Variants in PXDNL observed in about 807,000 individuals in gnomAD.
PXDNL encodes the protein probable oxidoreductase PXDNL.
A neutral mutation model predicts 150.8 loss-of-function variants in PXDNL; 145 were observed. The ratio of observed to expected loss-of-function variants is 0.96; its 90% CI spans 0.84 to 1.10. The LOEUF (loss-of-function observed/expected upper bound fraction) is 1.10, where lower values mean the gene tolerates loss of function less well. Among genes scored for constraint, PXDNL ranks in the 50% least tolerant of loss-of-function variants. The pLI, the probability that PXDNL is intolerant of heterozygous loss-of-function variation, is 0.00. For missense variants in PXDNL, 2,087 were observed against 1,873.9 expected (o/e 1.11, Z -2.10); for synonymous variants, 757 against 725.7 (o/e 1.04, Z -0.69).
chr8:51,533,585 A>G (rs1811961339), intron 4 of PXDNL, among the ~76,000 whole-genome samples: 1 of 140,144 alleles, frequency 7.1e-6, no homozygotes, highest in South Asian at 2.3e-4. Flanking sequence ...GCTCACTGCA[A>G]CCTCCCTGCC....
chr8:51,804,642 G>A (rs371745936), intron 1 of PXDNL, among the ~76,000 whole-genome samples: 5 of 151,944 alleles, frequency 3.3e-5, no homozygotes, highest in South Asian at 4.1e-4. Context: ...CTCAGGTTGC[G>A]GCTACTCCCC....
intron 1 of PXDNL, among the ~76,000 whole-genome samples, chr8:51,720,266 T>C (rs1816703106): frequency 6.6e-6 from 1 of 151,986 alleles, no homozygotes; most frequent in Non-Finnish European, 1.5e-5. Context: ...AAAAACAACT[T>C]ATGTGACATA....
At chr8:51,350,815 T>A (rs1164543317) in intron 19 of PXDNL, among the ~76,000 whole-genome samples, 2 of 152,188 alleles carry the variant, frequency 1.3e-5, no homozygotes, top group Non-Finnish European at 2.9e-5. Context: ...CTGCTTTTTG[T>A]TAGAGAAGAA....
At chr8:51,566,962 G>A (rs551457090) in intron 3 of PXDNL, among the ~76,000 whole-genome samples, 40 of 151,530 alleles carry the variant, frequency 2.6e-4, no homozygotes, top group African/African-American at 8.0e-4. Flanking sequence ...TGCATCCCGC[G>A]AAATCTGATG....
In PXDNL at chr8:51,423,622, C is replaced by T. The variant is rs16916235; in HGVS notation, c.1748G>A (p.Arg583Gln). 7.0e-3 allele frequency: 11,360 copies of T among 1,613,716 alleles called. 652 individuals carry two copies. In the African/African-American group the frequency reaches 0.13, roughly 19 times the overall value. The change falls in exon 14 of 23, where the codon CGG becomes CAG. Residue 583 changes from arginine to glutamine, a missense_variant. Physicochemically the swap from Arg to Gln is conservative, Grantham distance 43. Transcript: ENST00000356297. ...PDQGRYECVA[R>Q]NSFGLAVTNM... ...GGTCACAGCAAGGCCAAAAGAATTC[C>T]GAGCCACACATTCATATCTTCCCTG...
chr8:51,586,318 T>C (rs1358551299), intron 3 of PXDNL, among the ~76,000 whole-genome samples: 1 of 152,168 alleles, frequency 6.6e-6, no homozygotes. Context: ...TTGCCAGCTA[T>C]GTGAAAAAAG....
chr8:51,448,974 C>A, intron 11 of PXDNL, 28 bp downstream of exon 11: 1 of 1,215,434 alleles, frequency 8.2e-7, no homozygotes, highest in Non-Finnish European at 1.2e-6. Flanking sequence ...TTATTTTTCC[C>A]CACAATTACC....
At chr8:51,336,416 A>G (rs1038046260) in intron 21 of PXDNL, among the ~76,000 whole-genome samples, 1 of 152,184 alleles carries the variant, frequency 6.6e-6, no homozygotes, top group Non-Finnish European at 1.5e-5. Context: ...GTTACAACCT[A>G]CCTTTCAATG....
At chr8:51,328,887 G>T (rs1424252191) in intron 21 of PXDNL, among the ~76,000 whole-genome samples, 3 of 152,082 alleles carry the variant, frequency 2.0e-5, no homozygotes, top group Admixed American at 6.6e-5. Flanking sequence ...CCATAAAAAA[G>T]GCCTCTATAC....
intron 2 of PXDNL, among the ~76,000 whole-genome samples, chr8:51,616,908 AGTT>A (rs1210020960): frequency 6.6e-6 from 1 of 152,154 alleles, no homozygotes. Flanking sequence ...CTATGTAAAT[AGTT>A]GTTATTCTAT....
intron 1 of PXDNL, among the ~76,000 whole-genome samples, chr8:51,740,245 G>C (rs1263223868): frequency 1.3e-5 from 2 of 152,120 alleles, no homozygotes; most frequent in Non-Finnish European, 2.9e-5. Context: ...ATAGTGATTG[G>C]ATTGATTACA....
chr8:51,764,003 T>G (rs2037197459), intron 1 of PXDNL, among the ~76,000 whole-genome samples: 1 of 152,216 alleles, frequency 6.6e-6, no homozygotes, highest in Admixed American at 6.5e-5. Flanking sequence ...TATAGATATA[T>G]CCACTCAGAT....
intron 8 of PXDNL, among the ~76,000 whole-genome samples, chr8:51,467,584 T>C (rs1383461926): frequency 6.6e-6 from 1 of 152,106 alleles, no homozygotes; most frequent in Non-Finnish European, 1.5e-5. Flanking sequence ...TATACCTTTG[T>C]AACAAACCTG....
intron 19 of PXDNL, among the ~76,000 whole-genome samples, chr8:51,348,801 T>C (rs972078263): frequency 6.6e-6 from 1 of 152,152 alleles, no homozygotes; most frequent in Non-Finnish European, 1.5e-5. Context: ...AAGATTATAT[T>C]ATCTTGTACA....
intron 2 of PXDNL, among the ~76,000 whole-genome samples, chr8:51,649,624 T>G (rs1814993501): frequency 6.6e-6 from 1 of 152,206 alleles, no homozygotes; most frequent in Non-Finnish European, 1.5e-5. Flanking sequence ...AATTTTTAAT[T>G]TTATATTTCT....
At chr8:51,791,212 G>A (rs924996367) in intron 1 of PXDNL, among the ~76,000 whole-genome samples, 1 of 152,226 alleles carries the variant, frequency 6.6e-6, no homozygotes. Flanking sequence ...AGATCTGTGA[G>A]CCAGAAATAC....
chr8:51,503,268 A>G (rs1475980344), intron 4 of PXDNL, among the ~76,000 whole-genome samples: 1 of 152,240 alleles, frequency 6.6e-6, no homozygotes, highest in Non-Finnish European at 1.5e-5. Context: ...TGAATGAGAA[A>G]AATGCATGTA....
intron 8 of PXDNL, among the ~76,000 whole-genome samples, chr8:51,471,605 C>T (rs1181933380): frequency 6.6e-6 from 1 of 152,074 alleles, no homozygotes; most frequent in African/African-American, 2.4e-5. Context: ...GTTATTAATC[C>T]CAACATTTCC....
chr8:51,329,075 A>AAGGAGT (rs1805602797), intron 21 of PXDNL, among the ~76,000 whole-genome samples: 1 of 152,196 alleles, frequency 6.6e-6, no homozygotes, highest in Non-Finnish European at 1.5e-5. Flanking sequence ...CAGCCAGGGA[A>AAGGAGT]AGGAGTAGGA....
Sources: gnomAD v4.1 joint callset for allele counts (sites outside exome capture counted in the v4.1 genomes callset) on GRCh38, gnomAD v4.1.1 for gene constraint, MANE v1.5 for transcripts, NCBI Gene and HGNC (gene_info 2026-07-23, HGNC 2026-07-21) for gene names.